Variants in NDST4 observed in about 807,000 individuals in gnomAD.
NDST4 encodes N-deacetylase and N-sulfotransferase 4, also known as N-heparan sulfate sulfotransferase 4.
Under a neutral mutation model 100.8 loss-of-function variants are expected in NDST4, and 63 were observed. The observed-to-expected ratio is 0.62, with a 90% confidence interval of 0.51 to 0.77. The LOEUF is 0.77. Ranked by LOEUF, NDST4 falls within the 30% of genes least tolerant of loss-of-function variation. The pLI is 0.00. For missense variants in NDST4, 943 were observed against 1,018.4 expected, an observed-to-expected ratio of 0.93 and a Z score of 1.01; for synonymous variants, 377 against 361.8, an observed-to-expected ratio of 1.04 and a Z score of -0.48.
At chr4:114,846,033 A>G (rs1222029227) in intron 9 of NDST4, 36 bp from the exon 10 acceptor site, 1 of 1,486,098 alleles carries the variant, frequency 6.7e-7, no homozygotes. Context: ...TAATCTGAAA[A>G]TAATTTTTCT....
At chr4:114,834,330 A>G (rs180952561) in intron 11 of NDST4, among the ~76,000 whole-genome samples, 4 of 152,162 alleles carry the variant, frequency 2.6e-5, no homozygotes, top group African/African-American at 9.6e-5. Flanking sequence ...CCTGACCCAC[A>G]AGGTGAAACC....
intron 2 of NDST4, among the ~76,000 whole-genome samples, chr4:115,042,398 A>G (rs1429257295): frequency 1.3e-5 from 2 of 152,120 alleles, no homozygotes; most frequent in African/African-American, 2.4e-5. Flanking sequence ...CACAAGACCT[A>G]TGTTATTCAC....
At chr4:114,911,142 TA>T (rs80188708) in intron 6 of NDST4, among the ~76,000 whole-genome samples, 1 of 151,934 alleles carries the variant, frequency 6.6e-6, no homozygotes, top group Non-Finnish European at 1.5e-5. Flanking sequence ...AAGAACACAT[TA>T]AAAAATATAA....
chr4:114,902,214 T>C (rs1333606375), intron 6 of NDST4, among the ~76,000 whole-genome samples: 1 of 152,042 alleles, frequency 6.6e-6, no homozygotes, highest in Non-Finnish European at 1.5e-5. Flanking sequence ...GTTTATGACC[T>C]GCATTATTTT....
intron 7 of NDST4, among the ~76,000 whole-genome samples, chr4:114,868,241 C>T (rs1444662689): frequency 1.3e-5 from 2 of 151,988 alleles, no homozygotes; most frequent in African/African-American, 2.4e-5. Flanking sequence ...ATAACAGAAA[C>T]ACACCATGTT....
intron 12 of NDST4, 38 bp from the exon 13 acceptor site, chr4:114,829,930 C>T (rs1285494753): frequency 6.9e-7 from 1 of 1,440,566 alleles, no homozygotes. Context: ...AAATTGTATG[C>T]AGAATTTTCA....
intron 6 of NDST4, among the ~76,000 whole-genome samples, chr4:114,879,947 C>G (rs1450462584): frequency 6.6e-6 from 1 of 152,066 alleles, no homozygotes; most frequent in Non-Finnish European, 1.5e-5. Flanking sequence ...TACCAGTGTC[C>G]CAGTTTTTCA....
At chr4:114,993,477 A>T (rs190281817) in intron 2 of NDST4, among the ~76,000 whole-genome samples, 88 of 152,060 alleles carry the variant, frequency 5.8e-4, no homozygotes, top group African/African-American at 2.0e-3. Flanking sequence ...AAAGTGGCTC[A>T]CTCAGCATTA....
At chr4:114,991,548 A>G (rs569393037) in intron 2 of NDST4, among the ~76,000 whole-genome samples, 16 of 152,182 alleles carry the variant, frequency 1.1e-4, no homozygotes, top group African/African-American at 2.6e-4. Context: ...GTATATTCAG[A>G]AAAACCTGGC....
chr4:115,055,610 T>C (rs1179092909), intron 2 of NDST4, among the ~76,000 whole-genome samples: 1 of 152,160 alleles, frequency 6.6e-6, no homozygotes, highest in Admixed American at 6.6e-5. Flanking sequence ...TGAGTCCAAA[T>C]AGATTTGGGG....
In NDST4 at chr4:115,076,608, G is replaced by A. The variant is rs1729189579; in HGVS notation, c.429C>T (p.Asp143=). 6.2e-7 allele frequency: 1 copy of A among 1,613,830 alleles called. No homozygotes were observed. The highest frequency in any genetic ancestry group is 1.1e-5 in the South Asian group (1 of 91,084). ...YENILKYVSM[D]SWNRELLEKY... is the part of the protein sequence containing the mutation. ...TTTCTAAAAGCTCTCGATTCCATGA[G>A]TCCATGCTGACATACTTCAGAATAT... The change falls in exon 2 of 14, where the codon GAC becomes GAT. Residue 143 remains aspartate, a synonymous_variant. Transcript: ENST00000264363.
chr4:115,106,062 G>C (rs1729827131), intron 1 of NDST4, among the ~76,000 whole-genome samples: 1 of 151,988 alleles, frequency 6.6e-6, no homozygotes, highest in Non-Finnish European at 1.5e-5. Flanking sequence ...GGGGAGCGCT[G>C]ACACACACAC....
At chr4:115,051,080 G>A (rs1363407198) in intron 2 of NDST4, among the ~76,000 whole-genome samples, 4 of 151,968 alleles carry the variant, frequency 2.6e-5, no homozygotes, top group Admixed American at 6.6e-5. Flanking sequence ...AGATTTTAGT[G>A]AACTAGAAAT....
At chr4:114,982,733 G>A (rs1268260914) in intron 2 of NDST4, among the ~76,000 whole-genome samples, 3 of 152,194 alleles carry the variant, frequency 2.0e-5, no homozygotes, top group Admixed American at 6.5e-5. Flanking sequence ...GGAGCCAAAT[G>A]TTAATCACCA....
chr4:115,044,464 T>C (rs1045085301), intron 2 of NDST4, among the ~76,000 whole-genome samples: 2 of 151,940 alleles, frequency 1.3e-5, no homozygotes, highest in African/African-American at 4.8e-5. Context: ...AAACAAAAGA[T>C]TCTAAAGGCA....
At chr4:114,872,748 GA>G (rs965907285) in intron 6 of NDST4, among the ~76,000 whole-genome samples, 4 of 151,400 alleles carry the variant, frequency 2.6e-5, no homozygotes, top group Non-Finnish European at 5.9e-5. Flanking sequence ...TTTTACAGAT[GA>G]AAAAAAATGA....
intron 4 of NDST4, chr4:114,955,947 A>G (rs1726129604): frequency 6.6e-6 from 1 of 152,220 alleles, no homozygotes; most frequent in South Asian, 2.1e-4. Context: ...ATGGCAGTCC[A>G]CGGCATTTCT....
At chr4:115,071,890 A>G (rs1322261912) in intron 2 of NDST4, among the ~76,000 whole-genome samples, 1 of 152,208 alleles carries the variant, frequency 6.6e-6, no homozygotes, top group Non-Finnish European at 1.5e-5. Flanking sequence ...CATATAAGTA[A>G]CATAGTAGAT....
At chr4:115,046,194 T>C (rs571239803) in intron 2 of NDST4, among the ~76,000 whole-genome samples, 2 of 152,110 alleles carry the variant, frequency 1.3e-5, no homozygotes, top group Non-Finnish European at 2.9e-5. Context: ...CTAGCTGGTA[T>C]CTCCTTCTTC....
Sources: gnomAD v4.1 joint callset for allele counts (sites outside exome capture counted in the v4.1 genomes callset) on GRCh38, gnomAD v4.1.1 for gene constraint, MANE v1.5 for transcripts, NCBI Gene and HGNC (gene_info 2026-07-23, HGNC 2026-07-21) for gene names.